The following GMCL1 variants were observed in gnomAD, a reference collection of about 807,000 sequenced individuals.
GMCL1 encodes germ cell-less protein-like 1.
GMCL1 carries 54 observed loss-of-function variants against 75.5 expected under a neutral mutation model. The ratio of observed to expected loss-of-function variants is 0.71; its 90% CI spans 0.57 to 0.90. GMCL1 has a LOEUF of 0.90. GMCL1 is among the 40% of genes least tolerant of loss of function. The pLI is 0.00. For synonymous variants in GMCL1, 210 were observed against 209.6 expected (o/e 1.00, Z -0.02); for missense variants, 537 against 622.7 (o/e 0.86, Z 1.47).
intron 1 of GMCL1, 100 bp from the exon 2 acceptor site, chr2:69,837,443 CTATT>C (rs1275222136): frequency 9.7e-6 from 9 of 927,336 alleles, no homozygotes; most frequent in South Asian, 1.9e-5. Context: ...TAAGTTGACT[CTATT>C]TAATAGAAAT....
chr2:69,852,975 C>G (rs922222541), intron 8 of GMCL1, among the ~76,000 whole-genome samples: 2 of 152,168 alleles, frequency 1.3e-5, no homozygotes, highest in Admixed American at 1.3e-4. Context: ...TTGAATTTGG[C>G]TGATGGAATA....
In GMCL1 at chr2:69,829,850, C is replaced by A. The variant is rs1674616484; in HGVS notation, c.-43C>A. The stretch of plus-strand genomic sequence containing the variant: ...GCGGCGGCCGAGCCATGGCGGGAGA[C>A]CCCCTTCTCTGGGCTCCCTGAAGTC... On this transcript the variant is annotated 5_prime_UTR_variant, in exon 1 of 14. Transcript: ENST00000282570. 3.3e-6 allele frequency: 5 copies of A among 1,508,554 alleles called. No individual in the cohort carries two copies. In the Admixed American group the frequency reaches 1.1e-4, roughly 34 times the overall value. 93.4% of individuals were successfully genotyped at this position (1,508,554 alleles called of 1,614,324 possible). A position where few individuals can be genotyped will look rare whatever the true frequency, so the allele number is the denominator to read the frequency against.
At chr2:69,859,378 T>C (rs1304056430) in intron 9 of GMCL1, among the ~76,000 whole-genome samples, 2 of 151,726 alleles carry the variant, frequency 1.3e-5, no homozygotes, top group Admixed American at 6.6e-5. Context: ...TGCTGAGTCA[T>C]GTAATAGTTG....
intron 4 of GMCL1, 95 bp from the exon 5 acceptor site, chr2:69,843,052 CTT>C (rs142916866): frequency 2.6e-4 from 84 of 324,784 alleles, no homozygotes; most frequent in Admixed American, 5.4e-4. Flanking sequence ...TTTCTTTCTT[CTT>C]TTTTTTTTTC....
At chr2:69,848,077 TA>T (rs1439313360) in intron 7 of GMCL1, among the ~76,000 whole-genome samples, 4 of 152,214 alleles carry the variant, frequency 2.6e-5, no homozygotes, top group Admixed American at 2.6e-4. Flanking sequence ...TTTCAACATT[TA>T]AAAAATCTAA....
At chr2:69,855,271 T>C (rs1675437157) in intron 9 of GMCL1, among the ~76,000 whole-genome samples, 1 of 152,040 alleles carries the variant, frequency 6.6e-6, no homozygotes, top group Non-Finnish European at 1.5e-5. Context: ...AAATGACTTT[T>C]GAAGTATTTA....
chr2:69,847,788 G>A (rs182864127), intron 7 of GMCL1, among the ~76,000 whole-genome samples, 161 bp downstream of exon 7: 78 of 151,086 alleles, frequency 5.2e-4, no homozygotes, highest in African/African-American at 1.8e-3. Flanking sequence ...TTAGGGATTT[G>A]GAATCATTAG....
intron 1 of GMCL1, among the ~76,000 whole-genome samples, chr2:69,833,101 A>G (rs138493309): frequency 2.4e-3 from 365 of 152,340 alleles, no homozygotes; most frequent in Non-Finnish European, 4.4e-3. Flanking sequence ...TAGGATGCCA[A>G]CAAAATTATT....
intron 6 of GMCL1, chr2:69,844,895 T>G: frequency 3.0e-6 from 1 of 334,438 alleles, no homozygotes; most frequent in South Asian, 2.4e-5. Flanking sequence ...GAGAGAAGTC[T>G]GTGGCCATGT....
intron 11 of GMCL1, 120 bp downstream of exon 11, chr2:69,865,095 T>C: frequency 1.5e-6 from 1 of 663,220 alleles, no homozygotes; most frequent in Admixed American, 2.7e-5. Context: ...TGATACACTT[T>C]CTGTAGCATG....
rs1228456022 is a variant in GMCL1 at position 69,880,343 on chromosome 2, C to T, written c.*1339C>T. 6.6e-6 allele frequency: 1 copy of T among 151,970 alleles called. No homozygotes were observed. The highest frequency in any genetic ancestry group is 1.5e-5 in the Non-Finnish European group (1 of 68,000). The allele number at this position is 151,970 out of a possible 1,614,324, so 9.4% of individuals were successfully genotyped here. ...CTTTCTAGTTAGGTTTTTTTCCCAACTCCTTTTAACTTTTGGAATTTATTA... is the reference window on the plus strand; with the variant it reads ...CTTTCTAGTTAGGTTTTTTTCCCAATTCCTTTTAACTTTTGGAATTTATTA... On this transcript the variant is annotated 3_prime_UTR_variant, in exon 14 of 14. Transcript: ENST00000282570.
intron 1 of GMCL1, among the ~76,000 whole-genome samples, chr2:69,836,474 AC>A (rs1335836942): frequency 6.6e-6 from 1 of 152,146 alleles, no homozygotes; most frequent in Non-Finnish European, 1.5e-5. Flanking sequence ...TCCTCTTTTT[AC>A]AGCTGTGATA....
intron 13 of GMCL1, 33 bp downstream of exon 13, chr2:69,871,865 A>C (rs764161093): frequency 7.9e-7 from 1 of 1,268,142 alleles, no homozygotes; most frequent in Non-Finnish European, 1.1e-6. Flanking sequence ...ATGTCATCAT[A>C]ATATTTGTCT....
intron 4 of GMCL1, 111 bp from the exon 5 acceptor site, chr2:69,843,038 T>G: frequency 2.3e-6 from 1 of 430,478 alleles, no homozygotes. Flanking sequence ...TGAGTTTTCT[T>G]TCTTTTCTTT....
At chr2:69,849,602 A>C in intron 7 of GMCL1, 50 bp from the exon 8 acceptor site, 1 of 1,201,266 alleles carries the variant, frequency 8.3e-7, no homozygotes. Context: ...TAAAATCATA[A>C]AATGATGAAA....
chr2:69,837,480 A>T, intron 1 of GMCL1, 67 bp from the exon 2 acceptor site: 1 of 1,197,882 alleles, frequency 8.3e-7, no homozygotes, highest in Middle Eastern at 2.9e-4. Flanking sequence ...GTATTTAGAA[A>T]TATATGCAAA....
rs977444844 is a variant in GMCL1, at chr2:69,847,722, G to C, written c.843+95G>C. 4 of 670,972 alleles carry C rather than the reference G, an allele frequency of 6.0e-6. No homozygotes were observed. The African/African-American group carries it at 7.4e-5, about 12-fold the overall frequency. 41.6% of individuals were successfully genotyped at this position (670,972 alleles called of 1,614,324 possible). Reference sequence around the variant, plus strand: ...TGGAAACAGTATCCAGTAATAAAGGGATGGTTATAAATGTAGGAAAAGGAA... The same window carrying C: ...TGGAAACAGTATCCAGTAATAAAGGCATGGTTATAAATGTAGGAAAAGGAA... On this transcript the variant is annotated intron_variant, in intron 7 of 13. Transcript: ENST00000282570.
At chr2:69,871,962 A>T in intron 13 of GMCL1, 130 bp downstream of exon 13, 2 of 611,292 alleles carry the variant, frequency 3.3e-6, no homozygotes, top group Non-Finnish European at 2.8e-6. Context: ...AAGTCTTTTG[A>T]AGGTAAAGAT....
chr2:69,876,746 T>C (rs1004571223), intron 13 of GMCL1, among the ~76,000 whole-genome samples: 4 of 152,188 alleles, frequency 2.6e-5, no homozygotes, highest in Non-Finnish European at 1.5e-5. Context: ...CCCAGCACTT[T>C]GGGAGACCAA....
Sources: gnomAD v4.1 joint callset for allele counts (sites outside exome capture counted in the v4.1 genomes callset) on GRCh38, gnomAD v4.1.1 for gene constraint, MANE v1.5 for transcripts, NCBI Gene and HGNC (gene_info 2026-07-23, HGNC 2026-07-21) for gene names.